GK5: variants seen among roughly 807,000 people sequenced by gnomAD.
GK5 encodes the protein ATP:glycerol 3-phosphotransferase 5.
Under a neutral mutation model 77.3 loss-of-function variants are expected in GK5, and 39 were observed. The ratio of observed to expected loss-of-function variants is 0.50; its 90% confidence interval spans 0.39 to 0.66. The LOEUF is 0.66. GK5 is among the 30% of genes least tolerant of loss of function. The probability of loss-of-function intolerance (pLI) is 0.00; values close to 1 mark genes in which losing one functional copy is unlikely to be tolerated. For synonymous variants in GK5, 211 were observed against 208.0 expected, an observed-to-expected ratio of 1.01 and a Z score of -0.13; for missense variants, 487 against 633.8, an observed-to-expected ratio of 0.77 and a Z score of 2.49.
At chr3:142,187,333 G>A (rs538847518) in intron 6 of GK5, among the ~76,000 whole-genome samples, 1 of 152,164 alleles carries the variant, frequency 6.6e-6, no homozygotes, top group South Asian at 2.1e-4. Context: ...ACCAGGTGCA[G>A]TGGCTTACGC....
Position 142,167,606 on chromosome 3 carries a change from A to G in GK5, c.1442-1836T>C, listed in dbSNP as rs531964075. 2.0e-5 allele frequency among the ~76,000 whole-genome samples: 3 copies of G among 152,374 alleles called. No homozygotes were observed. In the South Asian group the frequency reaches 6.2e-4, roughly 32 times the overall value. On this transcript the variant is annotated intron_variant, in intron 15 of 15. Coordinates refer to ENST00000392993, the MANE Select transcript of GK5 (RefSeq NM_001039547.3). ...GCAAATCCAATTTCTGGGTAAATTT[A>G]TAAAATACAGAGGATATACATAGTC...
Position 142,159,796 on chromosome 3 carries a change from T to C in GK5, c.*5826A>G, listed in dbSNP as rs1490939900. 1 of 151,434 alleles carries C rather than the reference T, an allele frequency of 6.6e-6. No homozygotes were observed. Among genetic ancestry groups the C allele is most frequent in the Non-Finnish European group, 1.5e-5 (1 of 67,908 alleles). 9.4% of individuals were successfully genotyped at this position (151,434 alleles called of 1,614,324 possible). A position where few individuals can be genotyped will look rare whatever the true frequency, so the allele number is the denominator to read the frequency against. Reference sequence around the variant, plus strand: ...ACAATAAGACGATTCTGGGACCAAGTAGGTTGTAAAGGCCCAAGGTATGTT... The same window carrying C: ...ACAATAAGACGATTCTGGGACCAAGCAGGTTGTAAAGGCCCAAGGTATGTT... On this transcript the variant is annotated 3_prime_UTR_variant, in exon 16 of 16. Transcript: ENST00000392993.
Position 142,187,764 on chromosome 3 carries a change from C to T in GK5, c.559G>A (p.Glu187Lys). The change falls in exon 6 of 16, where the codon GAA (glutamate) becomes AAA (lysine). Residue 187 changes from glutamate (E) to lysine (K), a missense_variant. Glu to Lys is a moderately conservative substitution (Grantham distance 56, BLOSUM62 1). Transcript: ENST00000392993. ...QNLTEVQKAV[E>K]EENCCFGTID... The stretch of plus-strand genomic sequence containing the variant: ...GTCCCAAAGCAGCAATTTTCTTCTT[C>T]AACTGCCTTTTGCACCTTGAAAACA... 1 of 1,612,452 alleles carries T rather than the reference C, an allele frequency of 6.2e-7. No homozygotes were observed. The highest frequency in any genetic ancestry group is 8.5e-7 in the Non-Finnish European group (1 of 1,179,456).
At chr3:142,191,547 A>G (rs2063850619) in intron 5 of GK5, among the ~76,000 whole-genome samples, 1 of 151,716 alleles carries the variant, frequency 6.6e-6, no homozygotes, top group African/African-American at 2.4e-5. Flanking sequence ...ATTAAAAGTG[A>G]AAAAATTTGG....
chr3:142,213,699 G>A (rs926174811), intron 2 of GK5, 98 bp from the exon 3 acceptor site: 2 of 739,034 alleles, frequency 2.7e-6, no homozygotes, highest in African/African-American at 3.6e-5. Context: ...TAATCTTTAA[G>A]AAAAATACCT....
intron 3 of GK5, among the ~76,000 whole-genome samples, chr3:142,209,706 A>C (rs913975500): frequency 1.3e-5 from 2 of 152,228 alleles, no homozygotes; most frequent in African/African-American, 4.8e-5. Flanking sequence ...TGCAATGGGA[A>C]TATAGAGTAA....
At chr3:142,194,098 T>C (rs1281443200) in intron 5 of GK5, among the ~76,000 whole-genome samples, 1 of 152,124 alleles carries the variant, frequency 6.6e-6, no homozygotes, top group African/African-American at 2.4e-5. Context: ...AGAAACACGA[T>C]TTTTAGCTGT....
At chr3:142,212,866 C>T (rs2064211192) in intron 3 of GK5, among the ~76,000 whole-genome samples, 1 of 97,958 alleles carries the variant, frequency 1.0e-5, no homozygotes. Flanking sequence ...GACGGAGTCT[C>T]GCTGTCGCCC....
intron 11 of GK5, among the ~76,000 whole-genome samples, chr3:142,180,572 G>A (rs1236194856): frequency 1.3e-5 from 2 of 152,130 alleles, no homozygotes; most frequent in Non-Finnish European, 2.9e-5. Context: ...AAAGTGCTGG[G>A]ATTACAGGCG....
chr3:142,204,318 T>G (rs1317304407), intron 4 of GK5: 1 of 295,832 alleles, frequency 3.4e-6, no homozygotes, highest in African/African-American at 2.2e-5. Flanking sequence ...ATGCCTGTAA[T>G]GATAAGAGCT....
intron 5 of GK5, among the ~76,000 whole-genome samples, chr3:142,197,044 AG>A (rs2063944425): frequency 6.6e-6 from 1 of 152,068 alleles, no homozygotes; most frequent in Admixed American, 6.6e-5. Context: ...AAAATTAGCC[AG>A]GTGCGGGGGC....
At chr3:142,183,121 C>CTTAT (rs1258254909) in intron 9 of GK5, 72 bp from the exon 10 acceptor site, 1 of 1,304,400 alleles carries the variant, frequency 7.7e-7, no homozygotes, top group Non-Finnish European at 1.1e-6. Flanking sequence ...CATTGTCTCA[C>CTTAT]TTATTGTACT....
rs187266844 is a variant in GK5, at chr3:142,191,268, T to C, written c.544-3489A>G. Among the ~76,000 whole-genome samples the C allele has an allele frequency of 7.1e-4, 108 of 151,986 alleles. 2 individuals carry two copies. Among genetic ancestry groups the C allele is most frequent in the African/African-American group, 2.5e-3 (103 of 41,462 alleles). ...TGGTCTTGAACTCCTGACCTCGTGA[T>C]CCGCCCACCTCGGCCTCCCAAAGTG... On this transcript the variant is annotated intron_variant, in intron 5 of 15. Transcript: ENST00000392993.
At chr3:142,207,650 G>A (rs897576441) in intron 3 of GK5, among the ~76,000 whole-genome samples, 12 of 151,898 alleles carry the variant, frequency 7.9e-5, no homozygotes, top group East Asian at 1.9e-4. Context: ...ACCTACCCCC[G>A]CCCTCACTAA....
intron 1 of GK5, among the ~76,000 whole-genome samples, chr3:142,218,084 T>C (rs1029313327): frequency 5.3e-5 from 8 of 152,034 alleles, no homozygotes; most frequent in African/African-American, 1.2e-4. Flanking sequence ...AACTGACACA[T>C]AGATCAATGG....
chr3:142,204,851 C>T (rs1453356915), intron 3 of GK5, 63 bp from the exon 4 acceptor site: 2 of 936,622 alleles, frequency 2.1e-6, no homozygotes, highest in African/African-American at 3.3e-5. Context: ...TAAAGATGTG[C>T]CATAAGAGAA....
rs964138816 is a variant in GK5, at chr3:142,183,049, C to G, written c.817G>C (p.Val273Leu). The change falls in exon 10 of 16, where the codon GTT becomes CTT. Residue 273 changes from valine (V) to leucine (L), a missense_variant and splice_region_variant. By Grantham distance (32) the Val-to-Leu change is conservative. Coordinates refer to ENST00000392993, the MANE Select transcript of GK5 (RefSeq NM_001039547.3). ...FGVPIPIVAL[V>L]ADQQSAMFGE... Reference sequence around the variant, plus strand: ...AACATGGCTGATTGCTGGTCAGCAACCTACCAAAAATGTTCAAATGTAAAC... The same window carrying G: ...AACATGGCTGATTGCTGGTCAGCAAGCTACCAAAAATGTTCAAATGTAAAC... 13 of 1,613,406 alleles carry G rather than the reference C, an allele frequency of 8.1e-6. No homozygotes were observed. The highest frequency in any genetic ancestry group is 1.1e-5 in the Non-Finnish European group (13 of 1,179,836).
intron 2 of GK5, among the ~76,000 whole-genome samples, chr3:142,214,965 T>C (rs2064251711): frequency 6.6e-6 from 1 of 152,220 alleles, no homozygotes; most frequent in Non-Finnish European, 1.5e-5. Context: ...TTGCAACTTT[T>C]GCATAGACTG....
At position 142,199,060 on chromosome 3, in the gene GK5, C is replaced by A. The variant is rs182493993; in HGVS notation, c.412-127G>T. On this transcript the variant is annotated intron_variant, in intron 4 of 15. Transcript: ENST00000392993. ...TAACTACTTATAATAGTGTTTTCTG[C>A]AATTAAGAAAATAAAAAACAGCAAT... 59 of 589,978 alleles carry A rather than the reference C, an allele frequency of 1.0e-4. No homozygotes were observed. The East Asian group carries it at 1.5e-3, about 15-fold the overall frequency. The allele number at this position is 589,978 out of a possible 1,614,324, so 36.5% of individuals were successfully genotyped here.
Sources: allele counts gnomAD v4.1 joint callset (sites outside exome capture counted in the v4.1 genomes callset), GRCh38; gene constraint gnomAD v4.1.1; transcripts MANE v1.5; gene names NCBI Gene and HGNC (gene_info 2026-07-23, HGNC 2026-07-21).